The following CACNA1E variants were observed in gnomAD, a reference collection of about 807,000 sequenced individuals.
The protein encoded by CACNA1E is voltage-dependent R-type calcium channel subunit alpha-1E.
Under a neutral mutation model 259.2 loss-of-function variants are expected in CACNA1E, and 40 were observed. The ratio of observed to expected loss-of-function variants is 0.15; its 90% CI spans 0.12 to 0.20. The LOEUF (loss-of-function observed/expected upper bound fraction) is 0.20, where lower values mean the gene tolerates loss of function less well. Among genes scored for constraint, CACNA1E ranks in the 10% least tolerant of loss-of-function variants. CACNA1E has a pLI of 1.00. For synonymous variants in CACNA1E, 1,104 were observed against 1,138.5 expected, an observed-to-expected ratio of 0.97 and a Z score of 0.61; for missense variants, 1,874 against 3,040.1, an observed-to-expected ratio of 0.62 and a Z score of 9.02.
In CACNA1E at chr1:181,470,422, A is replaced by C. The variant is rs1037908419; in HGVS notation, c.435-13322A>C. On this transcript the variant is annotated intron_variant, in intron 2 of 11. Transcript: ENST00000524607. ...GTTCTCTATGTTCTCTATTCTCTCT[A>C]TGTTGCCCAGGCTGATCTCAAACTC... is the stretch of plus-strand genomic sequence containing the variant. Among the ~76,000 whole-genome samples, 5 of 152,002 alleles carry C rather than the reference A, an allele frequency of 3.3e-5. No individual in the cohort carries two copies. In the South Asian group the frequency reaches 8.3e-4, roughly 25 times the overall value.
intron 7 of CACNA1E, among the ~76,000 whole-genome samples, chr1:181,698,744 A>T (rs888156801): frequency 6.6e-6 from 1 of 151,998 alleles, no homozygotes; most frequent in African/African-American, 2.4e-5. Flanking sequence ...ATTTATCTCT[A>T]ATAGATAAGG....
chr1:181,400,930 C>G (rs940247137), intron 1 of CACNA1E, among the ~76,000 whole-genome samples: 1 of 152,196 alleles, frequency 6.6e-6, no homozygotes, highest in Admixed American at 6.5e-5. Flanking sequence ...TCACCAGCAG[C>G]TACACAGGAG....
chr1:181,508,730 G>A lies in CACNA1E; in HGVS notation c.267-1747G>A, dbSNP rs992370064. 1.2e-4 allele frequency among the ~76,000 whole-genome samples: 19 copies of A among 152,324 alleles called. 1 individual carries two copies. Among genetic ancestry groups the A allele is most frequent in the African/African-American group, 4.1e-4 (17 of 41,572 alleles). The stretch of plus-strand genomic sequence containing the variant: ...AGGTGGTCATGCTAGCTGGGTGGGC[G>A]TCTGTGGTGTGTGTCTGCTGGCATG... On this transcript the variant is annotated intron_variant, in intron 1 of 47. Transcript: ENST00000367573.
rs867012772 is a variant in CACNA1E, at chr1:181,410,065, C to T, written c.-14-3068C>T. On this transcript the variant is annotated intron_variant, in intron 1 of 11. Transcript: ENST00000524607. ...GGAAAGGAGGCTGCAGCCAGCAGGGCCTGAGAATTCTTGGAGTTGCTGGAG... is the reference window on the plus strand; with the variant it reads ...GGAAAGGAGGCTGCAGCCAGCAGGGTCTGAGAATTCTTGGAGTTGCTGGAG... Among the ~76,000 whole-genome samples the T allele has an allele frequency of 2.0e-5, 3 of 151,866 alleles. No individual in the cohort carries two copies. The South Asian group carries it at 6.3e-4, about 32-fold the overall frequency.
At chr1:181,655,630 G>A (rs1293801128) in intron 7 of CACNA1E, among the ~76,000 whole-genome samples, 1 of 152,062 alleles carries the variant, frequency 6.6e-6, no homozygotes, top group African/African-American at 2.4e-5. Context: ...AGAGAAGAAT[G>A]TGATACTCAT....
intron 25 of CACNA1E, among the ~76,000 whole-genome samples, chr1:181,741,618 G>C (rs531077139): frequency 6.6e-6 from 1 of 152,328 alleles, no homozygotes; most frequent in East Asian, 1.9e-4. Context: ...TGCCAGTGTG[G>C]GAGGAGGTGT....
At chr1:181,539,040 C>T (rs16857594) in intron 3 of CACNA1E, among the ~76,000 whole-genome samples, 12,863 of 152,214 alleles carry the variant, frequency 0.085, 657 homozygotes, top group South Asian at 0.25. Context: ...ACTTGTGGTT[C>T]CTTGAATTGT....
intron 43 of CACNA1E, 107 bp downstream of exon 43, chr1:181,785,926 C>G (rs1012109608): frequency 1.4e-6 from 1 of 711,598 alleles, no homozygotes; most frequent in Non-Finnish European, 2.4e-6. Flanking sequence ...AACAAATACT[C>G]TGAGCTTGAG....
intron 23 of CACNA1E, among the ~76,000 whole-genome samples, 190 bp downstream of exon 23, chr1:181,737,844 A>G (rs780172405): frequency 3.3e-5 from 5 of 152,162 alleles, no homozygotes; most frequent in African/African-American, 4.8e-5. Flanking sequence ...CCAACATACT[A>G]CAAGGCTCTG....
intron 3 of CACNA1E, among the ~76,000 whole-genome samples, chr1:181,525,898 T>C (rs974116822): frequency 1.3e-5 from 2 of 152,186 alleles, no homozygotes; most frequent in African/African-American, 4.8e-5. Flanking sequence ...GGAGCTATCC[T>C]TTTCCATGGA....
chr1:181,445,837 G>A (rs1216062742), intron 2 of CACNA1E, among the ~76,000 whole-genome samples: 1 of 152,172 alleles, frequency 6.6e-6, no homozygotes, highest in African/African-American at 2.4e-5. Flanking sequence ...TATGGGGAGA[G>A]CATCTTTTCA....
chr1:181,672,693 G>A (rs1039870235), intron 7 of CACNA1E, among the ~76,000 whole-genome samples: 23 of 152,220 alleles, frequency 1.5e-4, no homozygotes, highest in Admixed American at 1.2e-3. Flanking sequence ...AACAGTAGCA[G>A]ATACCTATTG....
At chr1:181,466,381 T>TAAA (rs35383451) in intron 2 of CACNA1E, among the ~76,000 whole-genome samples, 1 of 145,244 alleles carries the variant, frequency 6.9e-6, no homozygotes, top group Non-Finnish European at 1.5e-5. Context: ...TATTTCTACT[T>TAAA]AAAAAAAAAA....
At chr1:181,357,125 C>G (rs546910543) in intron 1 of CACNA1E, among the ~76,000 whole-genome samples, 6 of 152,176 alleles carry the variant, frequency 3.9e-5, no homozygotes, top group Non-Finnish European at 8.8e-5. Context: ...CTTCCTCCCC[C>G]ACCCACTGCT....
intron 16 of CACNA1E, among the ~76,000 whole-genome samples, chr1:181,723,906 C>T (rs1253526951): frequency 6.6e-6 from 1 of 152,170 alleles, no homozygotes; most frequent in African/African-American, 2.4e-5. Flanking sequence ...CGAACCCTGT[C>T]CTTTTGGATT....
intron 1 of CACNA1E, among the ~76,000 whole-genome samples, chr1:181,320,003 A>T (rs2102554641): frequency 6.6e-6 from 1 of 152,298 alleles, no homozygotes; most frequent in Non-Finnish European, 1.5e-5. Context: ...GGGATGACAA[A>T]CTGAGAGTGA....
intron 3 of CACNA1E, 64 bp downstream of exon 3, chr1:181,511,574 T>G: frequency 1.9e-6 from 3 of 1,572,508 alleles, no homozygotes; most frequent in Non-Finnish European, 2.6e-6. Flanking sequence ...ATGAGGTGGC[T>G]GGGGGCAGGG....
intron 3 of CACNA1E, among the ~76,000 whole-genome samples, chr1:181,576,766 G>T (rs926224538): frequency 2.0e-5 from 3 of 152,150 alleles, no homozygotes; most frequent in Non-Finnish European, 4.4e-5. Context: ...TTTAAATTAA[G>T]ATTTTATTAA....
chr1:181,440,914 G>A (rs12750504), intron 2 of CACNA1E, among the ~76,000 whole-genome samples: 1 of 149,676 alleles, frequency 6.7e-6, no homozygotes, highest in East Asian at 2.0e-4. Flanking sequence ...CTGGGAGGTC[G>A]AGGCTGCAGT....
Sources: allele counts gnomAD v4.1 joint callset (sites outside exome capture counted in the v4.1 genomes callset), GRCh38; gene constraint gnomAD v4.1.1; transcripts MANE v1.5; gene names NCBI Gene and HGNC (gene_info 2026-07-23, HGNC 2026-07-21).